The following CACNA2D3 variants were observed in gnomAD, a reference collection of about 807,000 sequenced individuals.
CACNA2D3 encodes calcium voltage-gated channel auxiliary subunit alpha2delta 3.
CACNA2D3 carries 60 observed loss-of-function variants against 160.6 expected under a neutral mutation model. The ratio of observed to expected loss-of-function variants is 0.37; its 90% CI spans 0.30 to 0.46. CACNA2D3 has a LOEUF of 0.46. Ranked by LOEUF, CACNA2D3 falls within the 20% of genes least tolerant of loss-of-function variation. The pLI, the probability that CACNA2D3 is intolerant of heterozygous loss-of-function variation, is 1.00. For synonymous variants in CACNA2D3, 558 were observed against 492.9 expected (o/e 1.13, Z -1.75); for missense variants, 1,205 against 1,365.0 (o/e 0.88, Z 1.85).
intron 35 of CACNA2D3, among the ~76,000 whole-genome samples, chr3:55,018,677 G>A (rs1390584783): frequency 6.6e-6 from 1 of 151,784 alleles, no homozygotes; most frequent in Non-Finnish European, 1.5e-5. Context: ...CAAGCCTTCA[G>A]GATTTACCCA....
At chr3:54,270,571 G>A (rs530860519) in intron 2 of CACNA2D3, among the ~76,000 whole-genome samples, 1 of 152,276 alleles carries the variant, frequency 6.6e-6, no homozygotes, top group South Asian at 2.1e-4. Flanking sequence ...GGCTTAAAAC[G>A]ACTCCCATTT....
At chr3:54,149,301 A>G (rs956371402) in intron 2 of CACNA2D3, among the ~76,000 whole-genome samples, 3 of 151,258 alleles carry the variant, frequency 2.0e-5, no homozygotes, top group Non-Finnish European at 4.4e-5. Context: ...ACACACACAT[A>G]TGTGTGGAGC....
chr3:54,367,041 G>A lies in CACNA2D3; in HGVS notation c.322-19674G>A, dbSNP rs966076202. ...TCCAGGCACCTGCCAGGTGGAAGTT[G>A]TTAGGAGTGATAAAGTGATTATTGA... On this transcript the variant is annotated intron_variant, in intron 3 of 37. Coordinates refer to ENST00000474759, the MANE Select transcript of CACNA2D3 (RefSeq NM_018398.3). Among the ~76,000 whole-genome samples, 4 of 152,342 alleles carry A rather than the reference G, an allele frequency of 2.6e-5. No homozygotes were observed. In the East Asian group the frequency reaches 7.7e-4, roughly 29 times the overall value.
chr3:54,147,895 C>T (rs1700066469), intron 2 of CACNA2D3, among the ~76,000 whole-genome samples: 1 of 152,244 alleles, frequency 6.6e-6, no homozygotes, highest in Non-Finnish European at 1.5e-5. Context: ...CAACCTCCGC[C>T]TCCTGGGTTC....
At chr3:54,730,210 A>G (rs1181568974) in intron 11 of CACNA2D3, among the ~76,000 whole-genome samples, 2 of 152,186 alleles carry the variant, frequency 1.3e-5, no homozygotes, top group South Asian at 2.1e-4. Context: ...TTCTTAGAGC[A>G]TAGTAATGAA....
intron 2 of CACNA2D3, among the ~76,000 whole-genome samples, chr3:54,151,928 C>G (rs1426599005): frequency 6.6e-6 from 1 of 152,220 alleles, no homozygotes; most frequent in Non-Finnish European, 1.5e-5. Context: ...CCTGCTAAAT[C>G]CTCGTAGAGC....
At chr3:54,281,454 G>A (rs529518775) in intron 2 of CACNA2D3, among the ~76,000 whole-genome samples, 1 of 152,130 alleles carries the variant, frequency 6.6e-6, no homozygotes, top group East Asian at 1.9e-4. Context: ...TGGATCATGA[G>A]GGGGAGGAAG....
At chr3:54,831,237 C>T (rs981873501) in intron 14 of CACNA2D3, among the ~76,000 whole-genome samples, 10 of 152,296 alleles carry the variant, frequency 6.6e-5, no homozygotes, top group East Asian at 1.9e-4. Context: ...CAGGCGGCTC[C>T]GCTGAAAACC....
chr3:54,618,278 AAACAT>A (rs1698898426), intron 9 of CACNA2D3, among the ~76,000 whole-genome samples: 1 of 150,656 alleles, frequency 6.6e-6, no homozygotes, highest in South Asian at 2.1e-4. Context: ...GTAATGTTGA[AAACAT>A]AAAATACTGA....
intron 4 of CACNA2D3, among the ~76,000 whole-genome samples, chr3:54,498,946 A>G (rs1364357057): frequency 6.6e-6 from 1 of 152,058 alleles, no homozygotes; most frequent in Non-Finnish European, 1.5e-5. Context: ...AATATCATAC[A>G]TTGATTTCTA....
chr3:54,652,235 C>CG (rs74433793), intron 11 of CACNA2D3, among the ~76,000 whole-genome samples: 25,638 of 151,756 alleles, frequency 0.17, 2,690 homozygotes, highest in Non-Finnish European at 0.23. Flanking sequence ...TTGCTGGCAG[C>CG]GGAAAAAAAG....
At chr3:54,494,636 A>T (rs1701174544) in intron 4 of CACNA2D3, among the ~76,000 whole-genome samples, 1 of 152,136 alleles carries the variant, frequency 6.6e-6, no homozygotes, top group African/African-American at 2.4e-5. Flanking sequence ...GGTCTATGGA[A>T]GATTAAGACT....
chr3:54,544,737 C>G (rs970561446), intron 5 of CACNA2D3, among the ~76,000 whole-genome samples: 9 of 152,084 alleles, frequency 5.9e-5, no homozygotes, highest in Non-Finnish European at 1.3e-4. Flanking sequence ...TAACCCTTGA[C>G]CTGGCATCAT....
chr3:54,170,853 C>T (rs1218244835), intron 2 of CACNA2D3, among the ~76,000 whole-genome samples: 3 of 151,874 alleles, frequency 2.0e-5, no homozygotes, highest in South Asian at 2.1e-4. Flanking sequence ...TTTGCCATGC[C>T]AATAGATTCC....
At chr3:54,913,318 G>A (rs1405175274) in intron 27 of CACNA2D3, among the ~76,000 whole-genome samples, 2 of 152,086 alleles carry the variant, frequency 1.3e-5, no homozygotes. Flanking sequence ...TTAGATAGTA[G>A]ATATTCCTCC....
intron 4 of CACNA2D3, among the ~76,000 whole-genome samples, chr3:54,449,138 C>A (rs1264460175): frequency 6.6e-6 from 1 of 152,196 alleles, no homozygotes. Flanking sequence ...AGTAAAGAAG[C>A]TGGATCCAAG....
intron 11 of CACNA2D3, among the ~76,000 whole-genome samples, chr3:54,736,830 T>A (rs1452588729): frequency 6.6e-6 from 1 of 152,188 alleles, no homozygotes; most frequent in Non-Finnish European, 1.5e-5. Flanking sequence ...TAGCTATCAT[T>A]TGCCTGCTGT....
At chr3:54,712,554 G>A (rs192266676) in intron 11 of CACNA2D3, among the ~76,000 whole-genome samples, 24 of 152,312 alleles carry the variant, frequency 1.6e-4, no homozygotes, top group African/African-American at 5.1e-4. Flanking sequence ...CTGCCACCAC[G>A]TGAGATGTGC....
At chr3:54,802,678 C>T (rs932225099) in intron 13 of CACNA2D3, among the ~76,000 whole-genome samples, 1 of 152,076 alleles carries the variant, frequency 6.6e-6, no homozygotes, top group African/African-American at 2.4e-5. Context: ...CTTAAATGTC[C>T]CTGTCTGACA....
Sources: gnomAD v4.1 joint callset for allele counts (sites outside exome capture counted in the v4.1 genomes callset) on GRCh38, gnomAD v4.1.1 for gene constraint, MANE v1.5 for transcripts, NCBI Gene and HGNC (gene_info 2026-07-23, HGNC 2026-07-21) for gene names.